Variants in BST1 observed in about 807,000 individuals in gnomAD.
The protein encoded by BST1 is ADP-ribosyl cyclase/cyclic ADP-ribose hydrolase 2.
BST1 carries 49 observed loss-of-function variants against 40.6 expected under a neutral mutation model. That is an observed-to-expected ratio of 1.21 (90% CI 0.96 to 1.53). BST1 has a LOEUF of 1.53. BST1 is among the 40% of genes most tolerant of loss of function. The pLI is 0.00. For missense variants in BST1, 423 were observed against 395.9 expected, an observed-to-expected ratio of 1.07 and a Z score of -0.58; for synonymous variants, 157 against 159.3, an observed-to-expected ratio of 0.99 and a Z score of 0.11.
Position 15,718,926 on chromosome 4 carries a change from A to G in BST1, c.724A>G (p.Ser242Gly). 6.2e-7 allele frequency: 1 copy of G among 1,614,144 alleles called. No individual in the cohort carries two copies. ...GPNVESCGEG[S>G]MKVLEKRLKD... Reference sequence around the variant, plus strand: ...TTTTAGGGAATCCTGCGGGGAAGGCAGCATGAAAGTCCTGGAAAAGAGGCT... The same window carrying G: ...TTTTAGGGAATCCTGCGGGGAAGGCGGCATGAAAGTCCTGGAAAAGAGGCT... Residue 242 changes from serine (S) to glycine (G), a missense_variant, in exon 7 of 9, where the codon AGC (serine) becomes GGC (glycine). Physicochemically the swap from Ser to Gly is moderately conservative, Grantham distance 56. Coordinates refer to ENST00000265016, the MANE Select transcript of BST1 (RefSeq NM_004334.3).
At chr4:15,766,928 C>T in the BST1 span, among the ~76,000 whole-genome samples, 22 of 151,792 alleles carry the variant, frequency 1.4e-4, 1 homozygote, top group African/African-American at 2.7e-4. Flanking sequence ...AATGCCCACA[C>T]GTTGCTGCAT....
chr4:15,739,879 A>AG (rs1460329398), downstream of BST1, among the ~76,000 whole-genome samples: 1 of 151,564 alleles, frequency 6.6e-6, no homozygotes, highest in African/African-American at 2.4e-5. Context: ...AAAGGGAGGG[A>AG]GGGAAGTCGG....
chr4:15,753,873 G>A, the BST1 span, among the ~76,000 whole-genome samples: 2 of 152,230 alleles, frequency 1.3e-5, no homozygotes, highest in Non-Finnish European at 2.9e-5. Context: ...TCCGGAAGGA[G>A]AGAGTCCCAT....
rs546458293 is a variant in BST1, at chr4:15,721,888, A to C, written c.792-987A>C. Among the ~76,000 whole-genome samples, 4 of 152,270 alleles carry C rather than the reference A, an allele frequency of 2.6e-5. No individual in the cohort carries two copies. In the South Asian group the frequency reaches 8.3e-4, roughly 32 times the overall value. On this transcript the variant is annotated intron_variant, in intron 7 of 8. Transcript: ENST00000265016. ...GGACAGAAGACATGGCATGCCATAG[A>C]GACAACAATATCACGTTCCTGTTCT...
rs1721426215 is a variant in BST1, at chr4:15,732,652, A to G, written c.*807A>G. 6.6e-6 allele frequency: 1 copy of G among 152,238 alleles called. No homozygotes were observed. The highest frequency in any genetic ancestry group is 2.4e-5 in the African/African-American group (1 of 41,456). The allele number at this position is 152,238 out of a possible 1,614,324, so 9.4% of individuals were successfully genotyped here. ...ACTTATAATGAGGGAAAAACCCAAAATATCCAGTAATATTTACATATTTAC... is the reference window on the plus strand; with the variant it reads ...ACTTATAATGAGGGAAAAACCCAAAGTATCCAGTAATATTTACATATTTAC... On this transcript the variant is annotated 3_prime_UTR_variant, in exon 9 of 9. Coordinates refer to ENST00000265016, the MANE Select transcript of BST1 (RefSeq NM_004334.3).
the BST1 span, among the ~76,000 whole-genome samples, chr4:15,771,878 G>C: frequency 6.6e-6 from 1 of 152,140 alleles, no homozygotes; most frequent in African/African-American, 2.4e-5. Context: ...GAATTCTAGG[G>C]GTCATCTAAA....
chr4:15,705,074 C>T (rs1377107916), intron 1 of BST1: 1 of 699,094 alleles, frequency 1.4e-6, no homozygotes, highest in Non-Finnish European at 2.6e-6. Context: ...GAGGTGGAAG[C>T]CTTTTGCAGC....
At chr4:15,756,415 A>C in the BST1 span, among the ~76,000 whole-genome samples, 2 of 152,190 alleles carry the variant, frequency 1.3e-5, no homozygotes, top group African/African-American at 4.8e-5. Context: ...TGCCAATGGC[A>C]GGTCTGGGGG....
the BST1 span, among the ~76,000 whole-genome samples, chr4:15,763,257 A>T: frequency 6.6e-6 from 1 of 151,900 alleles, no homozygotes; most frequent in Non-Finnish European, 1.5e-5. Context: ...TTATCCATGT[A>T]TGTATACAGG....
downstream of BST1, among the ~76,000 whole-genome samples, chr4:15,740,665 A>G (rs564251678): frequency 2.2e-3 from 334 of 152,264 alleles, 1 homozygote; most frequent in African/African-American, 7.8e-3. Flanking sequence ...TTGTTAAATT[A>G]TAACAAATAT....
intron 8 of BST1, among the ~76,000 whole-genome samples, chr4:15,730,646 T>A (rs1177887825): frequency 6.6e-6 from 1 of 152,230 alleles, no homozygotes; most frequent in Non-Finnish European, 1.5e-5. Context: ...CAGCAGCAGG[T>A]CCTGTTGTCT....
the BST1 span, among the ~76,000 whole-genome samples, chr4:15,767,456 G>A: frequency 5.3e-5 from 8 of 151,770 alleles, no homozygotes; most frequent in South Asian, 1.3e-3. Flanking sequence ...GGCACGTGCC[G>A]CCACACCCAG....
At position 15,729,324 on chromosome 4, in the gene BST1, T is replaced by C. The variant is rs553412315; in HGVS notation, c.852-2416T>C. 5.3e-5 allele frequency among the ~76,000 whole-genome samples: 8 copies of C among 152,148 alleles called. No homozygotes were observed. In the South Asian group the frequency reaches 1.7e-3, roughly 32 times the overall value. ...ACAAAAAATTGGCTGGGTATGTTGG[T>C]GTGCACCTATGGTCCCAGCTACTCA... On this transcript the variant is annotated intron_variant, in intron 8 of 8. Transcript: ENST00000265016.
chr4:15,726,614 T>G (rs16892276), intron 8 of BST1, among the ~76,000 whole-genome samples: 20,625 of 152,172 alleles, frequency 0.14, 2,624 homozygotes, highest in East Asian at 0.52. Context: ...ACCTCATAAG[T>G]CTTGGATAGG....
the BST1 span, among the ~76,000 whole-genome samples, chr4:15,750,225 C>G: frequency 6.6e-6 from 1 of 152,014 alleles, no homozygotes; most frequent in Non-Finnish European, 1.5e-5. Flanking sequence ...TGGTTTCACT[C>G]TGTTGTCCAG....
rs1560275118 is a variant in BST1, at chr4:15,703,936, GGTGAGGGGTGTGTGTGTTCTAGAA to G, written c.188+625_188+648del. On this transcript the variant is annotated intron_variant, in intron 1 of 8. Coordinates refer to ENST00000265016, the MANE Select transcript of BST1 (RefSeq NM_004334.3). ...AGGTGAGGGGTGTGTGTATTCTAGA[GGTGAGGGGTGTGTGTGTTCTAGAA>G]GTGAGGGGTGTGTGTGTTCTGGAGG... Among the ~76,000 whole-genome samples, 4 of 148,330 alleles carry G rather than the reference GGTGAGGGGTGTGTGTGTTCTAGAA, an allele frequency of 2.7e-5. No homozygotes were observed. In the East Asian group the frequency reaches 6.2e-4, roughly 23 times the overall value.
chr4:15,713,206 CTTTTTTT>C (rs34681185), intron 4 of BST1, among the ~76,000 whole-genome samples: 4,074 of 114,790 alleles, frequency 0.035, 179 homozygotes, highest in East Asian at 0.27. Flanking sequence ...ATATTTTCAT[CTTTTTTT>C]TTTTTTTTTT....
Position 15,703,328 on chromosome 4 carries a change from C to T in BST1, c.184C>T (p.Gln62Ter). 6.6e-7 allele frequency: 1 copy of T among 1,503,828 alleles called. No individual in the cohort carries two copies. 93.2% of individuals were successfully genotyped at this position (1,503,828 alleles called of 1,614,324 possible). A position where few individuals can be genotyped will look rare whatever the true frequency, so the allele number is the denominator to read the frequency against. ...AEYRALLSPE[Q>*]RNKNCTAIWE... ...GTACCGCGCACTGCTGAGTCCCGAGCAGCGGTGAGGCAGTCGGCCGGGTGG... is the reference window on the plus strand; with the variant it reads ...GTACCGCGCACTGCTGAGTCCCGAGTAGCGGTGAGGCAGTCGGCCGGGTGG... The change falls in exon 1 of 9, where the codon CAG becomes TAG. Residue 62 changes from glutamine to a stop codon, truncating the protein, a stop_gained. Transcript: ENST00000265016. LOFTEE classifies it high-confidence loss of function.
the BST1 span, among the ~76,000 whole-genome samples, chr4:15,764,954 C>T: frequency 6.6e-6 from 1 of 151,434 alleles, no homozygotes; most frequent in South Asian, 2.1e-4. Flanking sequence ...GTTTGAATCC[C>T]AGTTCCCCAC....
Sources: gnomAD v4.1 joint callset for allele counts (sites outside exome capture counted in the v4.1 genomes callset) on GRCh38, gnomAD v4.1.1 for gene constraint, MANE v1.5 for transcripts, NCBI Gene and HGNC (gene_info 2026-07-23, HGNC 2026-07-21) for gene names.